HSF2BP: variants seen among roughly 807,000 people sequenced by gnomAD.
HSF2BP encodes heat shock transcription factor 2 binding protein.
A neutral mutation model predicts 35.0 loss-of-function variants in HSF2BP; 35 were observed. The ratio of observed to expected loss-of-function variants is 1.00; its 90% CI spans 0.76 to 1.32. HSF2BP has a LOEUF of 1.32. Among genes scored for constraint, HSF2BP ranks in the 40% most tolerant of loss-of-function variants. The pLI is 0.00. For missense variants in HSF2BP, 326 were observed against 321.7 expected (o/e 1.01, Z -0.10); for synonymous variants, 114 against 117.4 (o/e 0.97, Z 0.18).
intron 6 of HSF2BP, among the ~76,000 whole-genome samples, chr21:43,618,944 CAAAAAAAGAAAAA>C (rs886701253): frequency 9.8e-5 from 14 of 143,402 alleles, no homozygotes; most frequent in African/African-American, 2.1e-4. Flanking sequence ...GACTCCGTCT[CAAAAAAAGAAAAA>C]AAAAAAAGAA....
At chr21:43,468,093 TACCACAC>T in the HSF2BP span, among the ~76,000 whole-genome samples, 1 of 87,038 alleles carries the variant, frequency 1.1e-5, no homozygotes, top group Admixed American at 1.3e-4. Context: ...ACACACCACA[TACCACAC>T]ACCACAAACC....
chr21:43,626,860 C>T (rs989429644), intron 6 of HSF2BP, among the ~76,000 whole-genome samples: 1 of 130,204 alleles, frequency 7.7e-6, no homozygotes, highest in Non-Finnish European at 1.6e-5. Context: ...TCTTTCTATA[C>T]CAAGAAATTT....
chr21:43,634,168 C>G (rs942353822), intron 4 of HSF2BP, among the ~76,000 whole-genome samples: 5 of 152,194 alleles, frequency 3.3e-5, no homozygotes, highest in African/African-American at 9.6e-5. Flanking sequence ...GTTTCCTACT[C>G]TCCCACCAGC....
intron 4 of HSF2BP, 34 bp from the exon 5 acceptor site, chr21:43,633,455 A>G (rs1184767657): frequency 1.3e-6 from 2 of 1,562,912 alleles, no homozygotes; most frequent in Non-Finnish European, 1.7e-6. Flanking sequence ...AATAAATAAT[A>G]GCATTCAACC....
chr21:43,576,369 C>A (rs1319124213), intron 8 of HSF2BP, among the ~76,000 whole-genome samples: 1 of 152,120 alleles, frequency 6.6e-6, no homozygotes, highest in Non-Finnish European at 1.5e-5. Flanking sequence ...TTACACAGAG[C>A]CTCTACACTA....
the HSF2BP span, among the ~76,000 whole-genome samples, chr21:43,507,312 C>A: frequency 3.9e-4 from 40 of 102,090 alleles, 6 homozygotes; most frequent in African/African-American, 1.6e-3. Context: ...ATTGTGGAGA[C>A]CCTGATTCCC....
intron 6 of HSF2BP, among the ~76,000 whole-genome samples, chr21:43,625,225 A>G (rs1223944914): frequency 6.6e-6 from 1 of 152,152 alleles, no homozygotes; most frequent in East Asian, 1.9e-4. Flanking sequence ...CACATTAGAG[A>G]GCTAAGGCTG....
intron 7 of HSF2BP, among the ~76,000 whole-genome samples, chr21:43,610,380 G>A (rs1331998155): frequency 6.6e-6 from 1 of 151,796 alleles, no homozygotes; most frequent in Non-Finnish European, 1.5e-5. Flanking sequence ...CTTGAGCTTA[G>A]GAGTTTGAGA....
intron 8 of HSF2BP, among the ~76,000 whole-genome samples, chr21:43,577,348 A>T (rs2081656345): frequency 1.3e-5 from 2 of 152,258 alleles, no homozygotes; most frequent in Non-Finnish European, 2.9e-5. Flanking sequence ...TTACTACAGA[A>T]ACAGTCAAAA....
At chr21:43,574,626 G>A (rs1375852224) in intron 8 of HSF2BP, among the ~76,000 whole-genome samples, 1 of 152,130 alleles carries the variant, frequency 6.6e-6, no homozygotes. Flanking sequence ...CAAAGTGCTG[G>A]GATTACAGGC....
At chr21:43,631,041 T>C (rs1350033864) in intron 5 of HSF2BP, among the ~76,000 whole-genome samples, 1 of 152,166 alleles carries the variant, frequency 6.6e-6, no homozygotes, top group African/African-American at 2.4e-5. Flanking sequence ...TAAGAAAACT[T>C]CATGGATGAT....
At chr21:43,599,867 CA>C (rs11379827) in intron 7 of HSF2BP, among the ~76,000 whole-genome samples, 157 of 132,470 alleles carry the variant, frequency 1.2e-3, no homozygotes, top group Middle Eastern at 3.8e-3. Context: ...CTTCCAATGA[CA>C]AAAAAAAAAA....
intron 7 of HSF2BP, among the ~76,000 whole-genome samples, chr21:43,593,702 C>A (rs949053679): frequency 2.6e-5 from 4 of 151,964 alleles, no homozygotes; most frequent in Admixed American, 6.6e-5. Context: ...ATGTAAAACT[C>A]AAGGGTAATT....
At chr21:43,643,262 C>T (rs764987148) in intron 4 of HSF2BP, among the ~76,000 whole-genome samples, 4 of 152,020 alleles carry the variant, frequency 2.6e-5, no homozygotes, top group Non-Finnish European at 5.9e-5. Context: ...ATATTATGTA[C>T]ATGATTTTTT....
At chr21:43,495,615 A>G in the HSF2BP span, among the ~76,000 whole-genome samples, 5 of 117,962 alleles carry the variant, frequency 4.2e-5, 2 homozygotes, top group South Asian at 1.3e-3. Flanking sequence ...GACAAACTCA[A>G]GTTTCCAACT....
At chr21:43,631,218 C>G (rs1412989079) in intron 5 of HSF2BP, among the ~76,000 whole-genome samples, 2 of 152,176 alleles carry the variant, frequency 1.3e-5, no homozygotes, top group East Asian at 1.9e-4. Context: ...TCAAACACAA[C>G]TGTTATTTCT....
At position 43,617,084 on chromosome 21, in the gene HSF2BP, T is replaced by A. The variant is rs186212266; in HGVS notation, c.575-3137A>T. Among the ~76,000 whole-genome samples the A allele has an allele frequency of 1.1e-3, 165 of 152,188 alleles. 1 individual carries two copies. The highest frequency in any genetic ancestry group is 4.6e-3 in the East Asian group (24 of 5,192). On this transcript the variant is annotated intron_variant, in intron 6 of 8. Coordinates refer to ENST00000291560, the MANE Select transcript of HSF2BP (RefSeq NM_007031.2). The stretch of plus-strand genomic sequence containing the variant: ...GAGTCATCCCAGCTAAGGCCCCAGA[T>A]GTTGGAGAGCAGAAGCAGCAAACTG...
intron 7 of HSF2BP, among the ~76,000 whole-genome samples, chr21:43,595,726 A>ATTTTATTTTTT (rs2081976713): frequency 1.7e-5 from 1 of 58,416 alleles, no homozygotes; most frequent in Non-Finnish European, 3.1e-5. Context: ...TAAGAGGCTA[A>ATTTTATTTTTT]TTTTTTTTTT....
At chr21:43,631,351 C>T (rs1264660198) in intron 5 of HSF2BP, among the ~76,000 whole-genome samples, 1 of 152,038 alleles carries the variant, frequency 6.6e-6, no homozygotes. Flanking sequence ...TCCTCTTGTC[C>T]CCTCCAGGTG....
Sources: gnomAD v4.1 joint callset for allele counts (sites outside exome capture counted in the v4.1 genomes callset) on GRCh38, gnomAD v4.1.1 for gene constraint, MANE v1.5 for transcripts, NCBI Gene and HGNC (gene_info 2026-07-23, HGNC 2026-07-21) for gene names.